ROCK2: variants seen among roughly 807,000 people sequenced by gnomAD.
The protein encoded by ROCK2 is rho-associated protein kinase 2.
A neutral mutation model predicts 195.1 loss-of-function variants in ROCK2; 61 were observed. The ratio of observed to expected loss-of-function variants is 0.31; its 90% confidence interval spans 0.25 to 0.39. The LOEUF (loss-of-function observed/expected upper bound fraction) is 0.39, where lower values mean the gene tolerates loss of function less well. Ranked by LOEUF, ROCK2 falls within the 10% of genes least tolerant of loss-of-function variation. The pLI is 1.00. For missense variants in ROCK2, 1,109 were observed against 1,637.4 expected (o/e 0.68, Z 5.57); for synonymous variants, 504 against 545.5 (o/e 0.92, Z 1.06).
At chr2:11,330,719 AG>A (rs1436603812) in intron 1 of ROCK2, among the ~76,000 whole-genome samples, 2 of 111,386 alleles carry the variant, frequency 1.8e-5, no homozygotes, top group Middle Eastern at 5.1e-3. Context: ...GAGGAAGACA[AG>A]GGAGGAGGGA....
intron 1 of ROCK2, among the ~76,000 whole-genome samples, chr2:11,343,694 C>T (rs1359948136): frequency 6.6e-6 from 1 of 152,182 alleles, no homozygotes; most frequent in Non-Finnish European, 1.5e-5. Context: ...GTCCTCCACC[C>T]ACCTCCCCAG....
At chr2:11,212,876 C>A (rs1244082304) in intron 17 of ROCK2, among the ~76,000 whole-genome samples, 1 of 152,154 alleles carries the variant, frequency 6.6e-6, no homozygotes, top group Non-Finnish European at 1.5e-5. Flanking sequence ...ACTACTATAG[C>A]CTACTGCAGT....
At chr2:11,326,011 A>T (rs1458010153) in intron 1 of ROCK2, among the ~76,000 whole-genome samples, 1 of 152,188 alleles carries the variant, frequency 6.6e-6, no homozygotes, top group African/African-American at 2.4e-5. Flanking sequence ...AACCAAAGGA[A>T]ATGAAGCAGA....
At chr2:11,270,625 C>G (rs1487112699) in intron 3 of ROCK2, among the ~76,000 whole-genome samples, 1 of 152,126 alleles carries the variant, frequency 6.6e-6, no homozygotes, top group African/African-American at 2.4e-5. Context: ...CAACCTTGTT[C>G]AGTCTAGCAA....
intron 3 of ROCK2, among the ~76,000 whole-genome samples, chr2:11,265,713 T>C (rs72787664): frequency 0.042 from 6,471 of 152,302 alleles, 278 homozygotes; most frequent in Non-Finnish European, 0.06. Context: ...CATTCATATA[T>C]TAAATTCCAT....
intron 23 of ROCK2, among the ~76,000 whole-genome samples, chr2:11,199,291 G>A (rs987942226): frequency 8.9e-5 from 13 of 146,618 alleles, no homozygotes; most frequent in African/African-American, 3.0e-4. Flanking sequence ...TACACAGTGT[G>A]GCTTTATGTG....
chr2:11,317,013 G>C (rs1257637800), intron 1 of ROCK2, among the ~76,000 whole-genome samples: 1 of 152,054 alleles, frequency 6.6e-6, no homozygotes. Context: ...TTAATAGTTT[G>C]AGACCTTCTT....
chr2:11,298,411 A>G (rs1403850959), intron 1 of ROCK2, among the ~76,000 whole-genome samples: 1 of 144,264 alleles, frequency 6.9e-6, no homozygotes, highest in African/African-American at 2.6e-5. Flanking sequence ...CAGAGGCTGC[A>G]GTGAGCCAAG....
intron 9 of ROCK2, 46 bp downstream of exon 9, chr2:11,221,152 C>G (rs1664624395): frequency 7.2e-7 from 1 of 1,397,758 alleles, no homozygotes; most frequent in Non-Finnish European, 9.6e-7. Flanking sequence ...CATCTTATAG[C>G]TAGATTCTAA....
chr2:11,295,912 G>A (rs929874131), intron 1 of ROCK2, among the ~76,000 whole-genome samples: 22 of 150,136 alleles, frequency 1.5e-4, no homozygotes, highest in African/African-American at 5.1e-4. Context: ...AGCCGAGATC[G>A]CGCCACTGCA....
chr2:11,208,774 G>C (rs997684790), intron 18 of ROCK2, among the ~76,000 whole-genome samples: 1 of 151,834 alleles, frequency 6.6e-6, no homozygotes, highest in African/African-American at 2.4e-5. Flanking sequence ...TGTATTTTTA[G>C]TAGAGATGGG....
In ROCK2 at chr2:11,221,199, A is replaced by C; in HGVS notation, c.1258T>G (p.Leu420Val). 6.5e-7 allele frequency: 1 copy of C among 1,545,666 alleles called. No individual in the cohort carries two copies. Among genetic ancestry groups the C allele is most frequent in the Middle Eastern group, 1.7e-4 (1 of 5,870 alleles). Residue 420 changes from leucine (L) to valine (V), a missense_variant and splice_region_variant, in exon 9 of 33, where the codon TTA becomes GTA. This residue lies in a region of ROCK2 where 542 missense variants were observed against 672.0 expected (regional missense o/e 0.81). Transcript: ENST00000315872. ...FIGFTYYREN[L>V]LLSDSPSCRE... ...TTTAACAAATAATAAACCACATACA[A>C]ATTTTCTCTATAGTAGGTAAATCCG...
At chr2:11,247,655 C>T (rs1354485000) in intron 4 of ROCK2, among the ~76,000 whole-genome samples, 1 of 152,228 alleles carries the variant, frequency 6.6e-6, no homozygotes, top group Non-Finnish European at 1.5e-5. Flanking sequence ...CAATCCGCTA[C>T]TATGAAAGCA....
chr2:11,299,164 C>T (rs955459666), intron 1 of ROCK2, among the ~76,000 whole-genome samples: 2 of 151,696 alleles, frequency 1.3e-5, no homozygotes, highest in Non-Finnish European at 2.9e-5. Flanking sequence ...ATCCCAGCTA[C>T]TCAGGAGGCT....
intron 1 of ROCK2, among the ~76,000 whole-genome samples, chr2:11,311,190 C>A (rs554715783): frequency 3.2e-4 from 48 of 152,162 alleles, no homozygotes; most frequent in Admixed American, 2.0e-4. Context: ...CAATGATAGA[C>A]TAATTTGATA....
rs1225243242 is a variant in ROCK2 at position 11,179,999 on chromosome 2, C to CCCG, written c.*3437_*3438insCGG. 3.3e-5 allele frequency: 5 copies of CCCG among 152,056 alleles called. No individual in the cohort carries two copies. Among genetic ancestry groups the CCCG allele is most frequent in the African/African-American group, 1.2e-4 (5 of 41,358 alleles). 9.4% of individuals were successfully genotyped at this position (152,056 alleles called of 1,614,324 possible). The stretch of plus-strand genomic sequence containing the variant: ...GATGGGAGTCAGGGAGAGGCCCCCC[C>CCCG]CCAAGCATGATATCCAGCGCTGTCA... On this transcript the variant is annotated 3_prime_UTR_variant, in exon 33 of 33. Coordinates refer to ENST00000315872, the MANE Select transcript of ROCK2 (RefSeq NM_004850.5).
chr2:11,301,199 A>G (rs1319790495), intron 1 of ROCK2, among the ~76,000 whole-genome samples: 1 of 152,176 alleles, frequency 6.6e-6, no homozygotes. Context: ...TCTTTTATGT[A>G]TATTTTGTAA....
intron 1 of ROCK2, among the ~76,000 whole-genome samples, chr2:11,288,254 T>C (rs1667259275): frequency 6.6e-6 from 1 of 152,200 alleles, no homozygotes; most frequent in African/African-American, 2.4e-5. Flanking sequence ...CTATTTTTTC[T>C]TTACATTTCT....
chr2:11,194,530 A>G (rs914992023), intron 28 of ROCK2, among the ~76,000 whole-genome samples, 186 bp from the exon 29 acceptor site: 3 of 152,048 alleles, frequency 2.0e-5, no homozygotes, highest in African/African-American at 7.2e-5. Flanking sequence ...ATATTAATAG[A>G]TATTTTAAAT....
Sources: gnomAD v4.1 joint callset for allele counts (sites outside exome capture counted in the v4.1 genomes callset) on GRCh38, gnomAD v4.1.1 for gene constraint, gnomAD v4.1.1 regional missense constraint, MANE v1.5 for transcripts, NCBI Gene and HGNC (gene_info 2026-07-23, HGNC 2026-07-21) for gene names.